Variants in LY96 observed in about 807,000 individuals in gnomAD.
The protein encoded by LY96 is myeloid differentiation protein-2.
A neutral mutation model predicts 18.9 loss-of-function variants in LY96; 18 were observed. The observed-to-expected ratio is 0.95, with a 90% CI of 0.66 to 1.41. LY96 has a LOEUF of 1.41. Ranked by LOEUF, LY96 falls within the 40% of genes most tolerant of loss-of-function variation. LY96 has a pLI of 0.00. For synonymous variants in LY96, 66 were observed against 62.6 expected (o/e 1.06, Z -0.26); for missense variants, 175 against 182.4 (o/e 0.96, Z 0.23).
chr8:74,070,485 A>G, the LY96 span, among the ~76,000 whole-genome samples: 12,739 of 152,120 alleles, frequency 0.084, 929 homozygotes, highest in African/African-American at 0.2. Flanking sequence ...TCTTTTTTCC[A>G]TATTGTAGAC....
At chr8:74,000,418 C>T (rs867515910) in intron 1 of LY96, among the ~76,000 whole-genome samples, 29 of 152,254 alleles carry the variant, frequency 1.9e-4, no homozygotes, top group Middle Eastern at 3.4e-3. Context: ...GTGTCTGAGG[C>T]CTCATCAGAA....
chr8:73,991,676 C>T (rs760807821), intron 1 of LY96, 122 bp downstream of exon 1: 33 of 672,642 alleles, frequency 4.9e-5, no homozygotes, highest in South Asian at 3.9e-4. Context: ...GCTGCTGTGG[C>T]GGACGCTGCC....
rs1461415750 is a variant in LY96, at chr8:74,002,055, C to CT, written c.113-2739dup. Among the ~76,000 whole-genome samples the CT allele has an allele frequency of 7.1e-3, 284 of 40,064 alleles. 39 individuals carry two copies. The highest frequency in any genetic ancestry group is 0.022 in the South Asian group (19 of 852). The allele number at this position is 40,064 out of a possible 152,430, so 26.3% of individuals were successfully genotyped here. The stretch of plus-strand genomic sequence containing the variant: ...CCTTCCTTCCTTCCTTCCTTCCTTC[C>CT]TTCCTTCCTTCCTTCCTTCCTTTCT... On this transcript the variant is annotated intron_variant, in intron 1 of 4. Coordinates refer to ENST00000284818, the MANE Select transcript of LY96 (RefSeq NM_015364.5).
the LY96 span, among the ~76,000 whole-genome samples, chr8:74,060,405 T>A: frequency 1.3e-5 from 2 of 152,180 alleles, no homozygotes; most frequent in Admixed American, 6.5e-5. Context: ...TCACTACCTA[T>A]CGGAACCCTG....
At chr8:74,097,317 C>T in the LY96 span, among the ~76,000 whole-genome samples, 1 of 152,120 alleles carries the variant, frequency 6.6e-6, no homozygotes, top group African/African-American at 2.4e-5. Context: ...AATTCACTTT[C>T]CTGTGCCTTA....
chr8:74,001,969 T>C (rs950761593), intron 1 of LY96, among the ~76,000 whole-genome samples: 1 of 139,302 alleles, frequency 7.2e-6, no homozygotes, highest in African/African-American at 2.8e-5. Flanking sequence ...CTTCCTTCCT[T>C]CCTTCCTTCC....
chr8:74,022,834 C>T (rs1816797185), intron 3 of LY96, among the ~76,000 whole-genome samples: 1 of 152,142 alleles, frequency 6.6e-6, no homozygotes, highest in African/African-American at 2.4e-5. Context: ...CCACCTCGGC[C>T]TCCCAAAGTG....
At chr8:74,081,087 C>CTCTCTCTTTCTTTCTT in the LY96 span, among the ~76,000 whole-genome samples, 96 of 93,024 alleles carry the variant, frequency 1.0e-3, no homozygotes, top group Admixed American at 4.8e-3. Flanking sequence ...TTCTCTTTCT[C>CTCTCTCTTTCTTTCTT]TCTTTCTTTC....
chr8:74,081,743 T>C, the LY96 span, among the ~76,000 whole-genome samples: 1 of 152,108 alleles, frequency 6.6e-6, no homozygotes, highest in Non-Finnish European at 1.5e-5. Flanking sequence ...AACCTCTGCC[T>C]CCTGGGTTCA....
At chr8:74,049,202 C>G in the LY96 span, among the ~76,000 whole-genome samples, 4 of 152,200 alleles carry the variant, frequency 2.6e-5, no homozygotes, top group African/African-American at 9.6e-5. Flanking sequence ...GTGCCTGGTA[C>G]ACAGTAGGAT....
At chr8:74,022,599 G>A (rs1190589339) in intron 3 of LY96, among the ~76,000 whole-genome samples, 1 of 98,492 alleles carries the variant, frequency 1.0e-5, no homozygotes, top group Non-Finnish European at 1.9e-5. Context: ...TTTTTTTTGT[G>A]ACAGGGTCTC....
At chr8:74,037,006 T>C in the LY96 span, among the ~76,000 whole-genome samples, 1 of 152,238 alleles carries the variant, frequency 6.6e-6, no homozygotes, top group Admixed American at 6.5e-5. Context: ...ATATGCTTGA[T>C]GTTAGGACAG....
At chr8:74,011,619 G>A (rs1368308544) in intron 3 of LY96, among the ~76,000 whole-genome samples, 4 of 152,146 alleles carry the variant, frequency 2.6e-5, no homozygotes, top group Non-Finnish European at 5.9e-5. Flanking sequence ...CCAGCACTTT[G>A]GGATACCAAG....
intron 1 of LY96, among the ~76,000 whole-genome samples, chr8:73,993,107 C>A (rs1278920012): frequency 6.6e-6 from 1 of 151,784 alleles, no homozygotes; most frequent in Non-Finnish European, 1.5e-5. Context: ...GTGATCTGCC[C>A]ACCCCGGCCT....
At chr8:74,092,344 A>G in the LY96 span, among the ~76,000 whole-genome samples, 2 of 152,206 alleles carry the variant, frequency 1.3e-5, no homozygotes, top group Non-Finnish European at 2.9e-5. Flanking sequence ...AGGGAAAATG[A>G]GTACATGGCT....
chr8:74,073,800 G>A, the LY96 span, among the ~76,000 whole-genome samples: 29 of 148,602 alleles, frequency 2.0e-4, no homozygotes, highest in African/African-American at 6.9e-4. Flanking sequence ...CCTGGCTGAG[G>A]CAGGATGCCA....
chr8:74,095,582 A>T, the LY96 span, among the ~76,000 whole-genome samples: 1 of 152,080 alleles, frequency 6.6e-6, no homozygotes. Flanking sequence ...TCTTCATCCC[A>T]TCTCACCTTG....
intron 4 of LY96, among the ~76,000 whole-genome samples, chr8:74,027,623 C>A (rs909542970): frequency 1.3e-5 from 2 of 152,118 alleles, no homozygotes; most frequent in African/African-American, 4.8e-5. Context: ...TGCAGATGAA[C>A]TGGGGAGGAA....
At chr8:74,002,640 T>C (rs1256245073) in intron 1 of LY96, among the ~76,000 whole-genome samples, 1 of 151,398 alleles carries the variant, frequency 6.6e-6, no homozygotes, top group East Asian at 1.9e-4. Flanking sequence ...GGCACAATCT[T>C]GGCTCACTGC....
Sources: gnomAD v4.1 joint callset for allele counts (sites outside exome capture counted in the v4.1 genomes callset) on GRCh38, gnomAD v4.1.1 for gene constraint, MANE v1.5 for transcripts, NCBI Gene and HGNC (gene_info 2026-07-23, HGNC 2026-07-21) for gene names.